DNAJA1: variants seen among roughly 807,000 people sequenced by gnomAD.
DNAJA1 encodes the protein DnaJ heat shock protein family (Hsp40) member A1.
DNAJA1 carries 26 observed loss-of-function variants against 47.6 expected under a neutral mutation model. The observed-to-expected ratio is 0.55, with a 90% CI of 0.40 to 0.76. The LOEUF (loss-of-function observed/expected upper bound fraction) is 0.76, where lower values mean the gene tolerates loss of function less well. DNAJA1 is among the 30% of genes least tolerant of loss of function. DNAJA1 has a pLI of 0.00. For synonymous variants in DNAJA1, 165 were observed against 158.4 expected (o/e 1.04, Z -0.31); for missense variants, 315 against 485.0 (o/e 0.65, Z 3.29).
chr9:33,027,416 C>G (rs1838890862), intron 3 of DNAJA1, among the ~76,000 whole-genome samples: 1 of 151,928 alleles, frequency 6.6e-6, no homozygotes, highest in Non-Finnish European at 1.5e-5. Context: ...CCTTGGCCTC[C>G]CAGAGTGCTG....
intron 7 of DNAJA1, 145 bp downstream of exon 7, chr9:33,036,834 T>G: frequency 1.3e-6 from 1 of 797,920 alleles, no homozygotes; most frequent in Middle Eastern, 2.3e-4. Context: ...TTAGATGAAG[T>G]TATAAGGTCT....
rs376920491 is a variant in DNAJA1, at chr9:33,027,291, G to C, written c.310+301G>C. On this transcript the variant is annotated intron_variant, in intron 3 of 8. Coordinates refer to ENST00000330899, the MANE Select transcript of DNAJA1 (RefSeq NM_001539.4). The stretch of plus-strand genomic sequence containing the variant: ...CTGCCTCAGCCTCCCAAGTAGCTGG[G>C]ATTACAGGCATGTGCCACCAAACCC... 4.2e-4 allele frequency among the ~76,000 whole-genome samples: 64 copies of C among 152,014 alleles called. No individual in the cohort carries two copies. In the South Asian group the frequency reaches 0.013, roughly 32 times the overall value.
At position 33,030,398 on chromosome 9, in the gene DNAJA1, A is replaced by G. The variant is rs982102335; in HGVS notation, c.416-42A>G. On this transcript the variant is annotated intron_variant, in intron 4 of 8. Coordinates refer to ENST00000330899, the MANE Select transcript of DNAJA1 (RefSeq NM_001539.4). The stretch of plus-strand genomic sequence containing the variant: ...TCTTAAAACATTTACTACTGTATAC[A>G]CTACTAATTCATACATTATTTAATT... 9 of 1,558,378 alleles carry G rather than the reference A, an allele frequency of 5.8e-6. No homozygotes were observed. In the Admixed American group the frequency reaches 6.8e-5, roughly 12 times the overall value.
At chr9:33,028,025 C>CAAAAAA (rs144327341) in intron 3 of DNAJA1, among the ~76,000 whole-genome samples, 38 of 77,760 alleles carry the variant, frequency 4.9e-4, no homozygotes, top group Non-Finnish European at 7.0e-4. Flanking sequence ...ACTCTTGTCT[C>CAAAAAA]AAAAAAAAAA....
chr9:33,033,747 A>C (rs1838996282), intron 5 of DNAJA1, among the ~76,000 whole-genome samples: 2 of 152,206 alleles, frequency 1.3e-5, no homozygotes, highest in Admixed American at 6.5e-5. Flanking sequence ...CTACAATAGA[A>C]GGGTCTTGAT....
intron 3 of DNAJA1, among the ~76,000 whole-genome samples, chr9:33,028,107 T>G (rs1166257907): frequency 6.6e-6 from 1 of 151,820 alleles, no homozygotes; most frequent in Non-Finnish European, 1.5e-5. Context: ...TTATTTGGTG[T>G]TCCCTCACTC....
intron 3 of DNAJA1, among the ~76,000 whole-genome samples, chr9:33,027,459 G>C (rs552500259): frequency 1.3e-5 from 2 of 152,100 alleles, no homozygotes; most frequent in South Asian, 4.2e-4. Context: ...TGCCCAGCCA[G>C]TGGTGTCGCT....
At chr9:33,027,094 A>G in intron 3 of DNAJA1, 104 bp downstream of exon 3, 3 of 1,390,242 alleles carry the variant, frequency 2.2e-6, no homozygotes, top group Non-Finnish European at 3.0e-6. Context: ...ATGTTGGTAT[A>G]ATGTTGCAAA....
chr9:33,029,692 C>A (rs1041927577), intron 3 of DNAJA1, among the ~76,000 whole-genome samples, 193 bp from the exon 4 acceptor site: 1 of 152,220 alleles, frequency 6.6e-6, no homozygotes, highest in African/African-American at 2.4e-5. Context: ...GATTTTCCCT[C>A]ATCTGTGATT....
Position 33,037,123 on chromosome 9 carries a change from G to C in DNAJA1, c.975+8G>C. 1 of 1,608,368 alleles carries C rather than the reference G, an allele frequency of 6.2e-7. No individual in the cohort carries two copies. The highest frequency in any genetic ancestry group is 8.5e-7 in the Non-Finnish European group (1 of 1,177,132). ...CTAATCATCGAATTTAAGGTAAGCT[G>C]TAATGTACTTTAAGAATACTTGAGA... On this transcript the variant is annotated splice_region_variant and intron_variant, in intron 8 of 8. Transcript: ENST00000330899.
intron 3 of DNAJA1, among the ~76,000 whole-genome samples, chr9:33,028,684 G>A (rs1449385273): frequency 1.3e-5 from 2 of 152,168 alleles, no homozygotes. Context: ...GTTAACATTG[G>A]CAAGCTCTTT....
At position 33,037,652 on chromosome 9, in the gene DNAJA1, A is replaced by ACTGTACACGTGTCACTGT. The variant is rs1286221463; in HGVS notation, c.975+537_975+538insCTGTACACGTGTCACTGT. On this transcript the variant is annotated intron_variant, in intron 8 of 8. Transcript: ENST00000330899. The stretch of plus-strand genomic sequence containing the variant: ...AATCAAGATCGTGTCACTGTACTTC[A>ACTGTACACGTGTCACTGT]ACCTGGGTGACAGAATGAGACCCTG... Among the ~76,000 whole-genome samples, 44 of 152,352 alleles carry ACTGTACACGTGTCACTGT rather than the reference A, an allele frequency of 2.9e-4. No homozygotes were observed. In the East Asian group the frequency reaches 7.1e-3, roughly 25 times the overall value.
chr9:33,029,834 A>G (rs2119382467), intron 3 of DNAJA1, 51 bp from the exon 4 acceptor site: 1 of 1,468,278 alleles, frequency 6.8e-7, no homozygotes, highest in South Asian at 1.2e-5. Context: ...TTTAGCACAA[A>G]TAAGATCCAG....
At chr9:33,037,807 G>T (rs1427657419) in intron 8 of DNAJA1, among the ~76,000 whole-genome samples, 2 of 152,160 alleles carry the variant, frequency 1.3e-5, no homozygotes, top group African/African-American at 4.8e-5. Context: ...TGTGGGAAGG[G>T]TGTGTGGGAC....
Position 33,037,095 on chromosome 9 carries a change from C to T in DNAJA1, c.955C>T (p.Arg319Cys), listed in dbSNP as rs767168401. 11 of 1,613,526 alleles carry T rather than the reference C, an allele frequency of 6.8e-6. No homozygotes were observed. Among genetic ancestry groups the T allele is most frequent in the African/African-American group, 4.0e-5 (3 of 74,866 alleles). Residue 319 changes from arginine to cysteine, a missense_variant, in exon 8 of 9, where the codon CGC becomes TGC. Physicochemically the swap from Arg to Cys is radical, Grantham distance 180. This residue lies in a region of DNAJA1 where 162 missense variants were observed against 185.4 expected (regional missense o/e 0.87). Transcript: ENST00000330899. ...PIYRRPYEKG[R>C]LIIEFKVNFP... The stretch of plus-strand genomic sequence containing the variant: ...TTATCGTAGACCATATGAAAAGGGT[C>T]GCCTAATCATCGAATTTAAGGTAAG...
intron 3 of DNAJA1, among the ~76,000 whole-genome samples, chr9:33,028,744 C>T (rs1838913711): frequency 6.6e-6 from 1 of 152,206 alleles, no homozygotes; most frequent in African/African-American, 2.4e-5. Context: ...AAATGCGCTT[C>T]ATCAAGCTCT....
intron 8 of DNAJA1, 185 bp downstream of exon 8, chr9:33,037,300 C>T (rs1271650879): frequency 1.8e-5 from 7 of 396,472 alleles, no homozygotes; most frequent in Non-Finnish European, 2.2e-5. Flanking sequence ...TAGTGAAACC[C>T]TGTCTCTTTA....
chr9:33,035,499 C>T (rs532821648), intron 6 of DNAJA1, among the ~76,000 whole-genome samples: 8 of 151,908 alleles, frequency 5.3e-5, no homozygotes, highest in Middle Eastern at 3.4e-3. Context: ...GATGCAGTTT[C>T]GCTCAACAGG....
At chr9:33,025,421 C>G (rs1564010315) in intron 1 of DNAJA1, 38 bp downstream of exon 1, 2 of 152,470 alleles carry the variant, frequency 1.3e-5, no homozygotes, top group African/African-American at 4.8e-5. Context: ...AGTCCCCTGG[C>G]TGGCGCCATT....
Sources: gnomAD v4.1 joint callset for allele counts (sites outside exome capture counted in the v4.1 genomes callset) on GRCh38, gnomAD v4.1.1 for gene constraint, gnomAD v4.1.1 regional missense constraint, MANE v1.5 for transcripts, NCBI Gene and HGNC (gene_info 2026-07-23, HGNC 2026-07-21) for gene names.